GLYR1: variants seen among roughly 807,000 people sequenced by gnomAD.
GLYR1 encodes the protein cytokine-like nuclear factor N-PAC.
In GLYR1, 21 loss-of-function variants were observed where a neutral mutation model predicts 72.7. That is an observed-to-expected ratio of 0.29 (90% CI 0.20 to 0.42). The LOEUF (loss-of-function observed/expected upper bound fraction) is 0.42. Ranked by LOEUF, GLYR1 falls within the 10% of genes least tolerant of loss-of-function variation. GLYR1 has a pLI of 1.00. For synonymous variants in GLYR1, 392 were observed against 270.2 expected (o/e 1.45, Z -4.42); for missense variants, 594 against 712.1 (o/e 0.83, Z 1.89).
At chr16:4,835,215 A>G (rs1380777762) in intron 3 of GLYR1, among the ~76,000 whole-genome samples, 1 of 151,918 alleles carries the variant, frequency 6.6e-6, no homozygotes, top group Non-Finnish European at 1.5e-5. Context: ...GCCTCCCACT[A>G]CCCAGCCTCA....
At chr16:4,829,640 C>G (rs999697114) in intron 5 of GLYR1, among the ~76,000 whole-genome samples, 1 of 151,554 alleles carries the variant, frequency 6.6e-6, no homozygotes, top group South Asian at 2.1e-4. Flanking sequence ...GCACACACCA[C>G]CAACCCCAGC....
intron 15 of GLYR1, among the ~76,000 whole-genome samples, chr16:4,808,966 A>C (rs2083161613): frequency 6.6e-6 from 1 of 152,132 alleles, no homozygotes; most frequent in African/African-American, 2.4e-5. Flanking sequence ...CTGTGTCTCA[A>C]ATATAAAAAA....
At chr16:4,814,294 T>G (rs1279730978) in intron 11 of GLYR1, among the ~76,000 whole-genome samples, 1 of 152,240 alleles carries the variant, frequency 6.6e-6, no homozygotes, top group Non-Finnish European at 1.5e-5. Flanking sequence ...ACATGAAGCC[T>G]GTTCAAGACA....
At chr16:4,811,500 C>G in intron 14 of GLYR1, 123 bp downstream of exon 14, 1 of 1,335,588 alleles carries the variant, frequency 7.5e-7, no homozygotes, top group Non-Finnish European at 1.0e-6. Flanking sequence ...GTTTCTGAAC[C>G]TCCTCTGGCC....
intron 15 of GLYR1, among the ~76,000 whole-genome samples, chr16:4,809,466 G>C (rs1462983951): frequency 1.3e-5 from 2 of 151,384 alleles, no homozygotes; most frequent in Non-Finnish European, 2.9e-5. Flanking sequence ...CAAAAAATTA[G>C]CCAGGCATGG....
At chr16:4,832,631 C>A in intron 4 of GLYR1, 143 bp downstream of exon 4, 1 of 1,022,974 alleles carries the variant, frequency 9.8e-7, no homozygotes, top group Non-Finnish European at 1.4e-6. Context: ...AAGCAAAACG[C>A]TGACACCTTA....
At chr16:4,820,856 C>T (rs374071420) in intron 9 of GLYR1, among the ~76,000 whole-genome samples, 2 of 152,358 alleles carry the variant, frequency 1.3e-5, no homozygotes, top group Middle Eastern at 3.4e-3. Flanking sequence ...CCCACCCACA[C>T]CGGGCAGGGT....
chr16:4,803,967 G>A lies in GLYR1; in HGVS notation c.*1269C>T, dbSNP rs1401533899. 1 of 152,030 alleles carries A rather than the reference G, an allele frequency of 6.6e-6. No individual in the cohort carries two copies. The highest frequency in any genetic ancestry group is 1.5e-5 in the Non-Finnish European group (1 of 67,982). The allele number at this position is 152,030 out of a possible 1,614,324, so 9.4% of individuals were successfully genotyped here. Reference sequence around the variant, plus strand: ...TCCAAGGACAAATGTAGGGCCTCTAGGATGTCCCAGACCCACCTCGGAGGG... The same window carrying A: ...TCCAAGGACAAATGTAGGGCCTCTAAGATGTCCCAGACCCACCTCGGAGGG... On this transcript the variant is annotated 3_prime_UTR_variant, in exon 16 of 16. Transcript: ENST00000321919.
At chr16:4,844,994 TAG>T (rs899172975) in intron 3 of GLYR1, 78 bp downstream of exon 3, 1 of 912,784 alleles carries the variant, frequency 1.1e-6, no homozygotes, top group African/African-American at 1.6e-5. Context: ...TAAGGATCCT[TAG>T]AATATTTTCA....
rs1596339892 is a variant in GLYR1 at position 4,821,714 on chromosome 16, T to C, written c.682-117A>G. 1.1e-5 allele frequency: 10 copies of C among 935,186 alleles called. No homozygotes were observed. In the South Asian group the frequency reaches 1.2e-4, roughly 11 times the overall value. The allele number at this position is 935,186 out of a possible 1,614,324, so 57.9% of individuals were successfully genotyped here. A position where few individuals can be genotyped will look rare whatever the true frequency, so the allele number is the denominator to read the frequency against. ...AAGTTAACATCAACTATTTGTTTTATACTTTAGTGAACTCCAAATTTTACA... is the reference window on the plus strand; with the variant it reads ...AAGTTAACATCAACTATTTGTTTTACACTTTAGTGAACTCCAAATTTTACA... On this transcript the variant is annotated intron_variant, in intron 7 of 15. Transcript: ENST00000321919.
Position 4,823,898 on chromosome 16 carries a change from T to C in GLYR1, c.547A>G (p.Ile183Val), listed in dbSNP as rs754547489. The C allele has an allele frequency of 1.2e-6, 2 of 1,613,934 alleles. No homozygotes were observed. The highest frequency in any genetic ancestry group is 1.1e-5 in the South Asian group (1 of 91,066). ...CCCTTCACGGTACTAGACTCCGGGA[T>C]GGTGAGATCCTATAGAGGGAGGGGC... ...RPPKDEKDLT[I>V]PESSTVKGMM... The change falls in exon 6 of 16, where the codon ATC becomes GTC. Residue 183 changes from isoleucine to valine, a missense_variant. Ile to Val is a conservative substitution (Grantham distance 29). Coordinates refer to ENST00000321919, the MANE Select transcript of GLYR1 (RefSeq NM_032569.4).
chr16:4,806,507 G>T lies in GLYR1; in HGVS notation c.1588-1197C>A, dbSNP rs192096473. On this transcript the variant is annotated intron_variant, in intron 15 of 15. Coordinates refer to ENST00000321919, the MANE Select transcript of GLYR1 (RefSeq NM_032569.4). ...CAGCCTCCCAAGTAGCTAGGAATAG[G>T]GTGCTCGCCACCACGCCCAGCTAGT... Among the ~76,000 whole-genome samples the T allele has an allele frequency of 2.6e-3, 390 of 151,614 alleles. 3 individuals are homozygous for T. The highest frequency in any genetic ancestry group is 6.8e-3 in the Middle Eastern group (2 of 294).
At chr16:4,807,516 A>C (rs1001651812) in intron 15 of GLYR1, among the ~76,000 whole-genome samples, 6 of 152,220 alleles carry the variant, frequency 3.9e-5, no homozygotes, top group African/African-American at 1.4e-4. Flanking sequence ...ATTGAACCAC[A>C]TATCAATACA....
intron 5 of GLYR1, among the ~76,000 whole-genome samples, chr16:4,830,137 T>G (rs919680738): frequency 3.3e-5 from 5 of 151,354 alleles, no homozygotes; most frequent in Non-Finnish European, 7.4e-5. Context: ...AGTCTTCAAC[T>G]CCTAAGCTCA....
intron 5 of GLYR1, among the ~76,000 whole-genome samples, chr16:4,829,176 G>A (rs1224011784): frequency 6.6e-6 from 1 of 152,070 alleles, no homozygotes; most frequent in Non-Finnish European, 1.5e-5. Flanking sequence ...TCATCTAACA[G>A]TGAGAAGGGC....
chr16:4,814,772 C>A (rs1192972493), intron 10 of GLYR1, 125 bp from the exon 11 acceptor site: 5 of 746,134 alleles, frequency 6.7e-6, no homozygotes, highest in African/African-American at 1.7e-5. Context: ...GGCCGGGAGC[C>A]TGGGTCATGG....
intron 9 of GLYR1, among the ~76,000 whole-genome samples, chr16:4,820,919 T>A (rs1403271279): frequency 1.3e-5 from 2 of 152,222 alleles, no homozygotes; most frequent in East Asian, 1.9e-4. Flanking sequence ...TTCATCTCCC[T>A]TCCCCCACCT....
intron 10 of GLYR1, among the ~76,000 whole-genome samples, chr16:4,816,947 A>ATT (rs35180458): frequency 1.4e-5 from 2 of 139,186 alleles, no homozygotes; most frequent in African/African-American, 2.7e-5. Flanking sequence ...AGATTGTGCC[A>ATT]TTTTTTTTTT....
At chr16:4,809,924 C>CA (rs928885183) in intron 15 of GLYR1, among the ~76,000 whole-genome samples, 8 of 145,448 alleles carry the variant, frequency 5.5e-5, no homozygotes, top group Admixed American at 2.8e-4. Flanking sequence ...ACTCTGTCTC[C>CA]AAAAAAAACA....
Sources: gnomAD v4.1 joint callset for allele counts (sites outside exome capture counted in the v4.1 genomes callset) on GRCh38, gnomAD v4.1.1 for gene constraint, MANE v1.5 for transcripts, NCBI Gene and HGNC (gene_info 2026-07-23, HGNC 2026-07-21) for gene names.